Variants in RTN3 observed in about 807,000 individuals in gnomAD.
The protein encoded by RTN3 is reticulon 3, also known as reticulon-3.
Under a neutral mutation model 77.8 loss-of-function variants are expected in RTN3, and 49 were observed. That is an observed-to-expected ratio of 0.63 (90% confidence interval 0.50 to 0.80). The LOEUF is 0.80. Ranked by LOEUF, RTN3 falls within the 30% of genes least tolerant of loss-of-function variation. RTN3 has a pLI of 0.00. For missense variants in RTN3, 1,236 were observed against 1,211.9 expected, an observed-to-expected ratio of 1.02 and a Z score of -0.29; for synonymous variants, 464 against 446.9, an observed-to-expected ratio of 1.04 and a Z score of -0.48.
At chr11:63,681,470 GC>G (rs1941026276), upstream of RTN3, 1 of 653,252 alleles carries the variant, frequency 1.5e-6, no homozygotes, top group Non-Finnish European at 2.3e-6. Flanking sequence ...TCGCGCTCCC[GC>G]CCTCTAGCTG....
chr11:63,730,094 G>A (rs1308830744), intron 3 of RTN3, among the ~76,000 whole-genome samples: 1 of 152,102 alleles, frequency 6.6e-6, no homozygotes, highest in East Asian at 1.9e-4. Flanking sequence ...AGCCTCCCAA[G>A]TAGCTGGGAT....
intron 3 of RTN3, among the ~76,000 whole-genome samples, chr11:63,726,427 G>A (rs1369573619): frequency 6.6e-6 from 1 of 152,224 alleles, no homozygotes; most frequent in Admixed American, 6.5e-5. Flanking sequence ...TGGAATGTAA[G>A]GGGAGGAGGA....
chr11:63,714,746 C>G (rs1220102085), intron 2 of RTN3, among the ~76,000 whole-genome samples: 3 of 152,032 alleles, frequency 2.0e-5, no homozygotes, highest in Admixed American at 6.6e-5. Context: ...CTCTTGGACT[C>G]AAGCAATTTT....
chr11:63,716,979 C>CAAAAAAAAAAA lies in RTN3; in HGVS notation c.200-1717_200-1707dup, dbSNP rs6144367. On this transcript the variant is annotated intron_variant, in intron 2 of 8. Coordinates refer to ENST00000377819, the MANE Select transcript of RTN3 (RefSeq NM_001265589.2). Reference sequence around the variant, plus strand: ...GCAAGACTCCGTCTCAAAAAAAAAACAAAAAAAAAAAAAAAAGAAAAGAAA... The same window carrying CAAAAAAAAAAA: ...GCAAGACTCCGTCTCAAAAAAAAAACAAAAAAAAAAAAAAAAAAAAAAAAAAAGAAAAGAAA... Among the ~76,000 whole-genome samples the CAAAAAAAAAAA allele has an allele frequency of 6.9e-4, 83 of 120,168 alleles. 5 individuals are homozygous for CAAAAAAAAAAA. The highest frequency in any genetic ancestry group is 0.011 in the Middle Eastern group (2 of 186). 78.8% of individuals were successfully genotyped at this position (120,168 alleles called of 152,430 possible).
At chr11:63,747,702 AC>A (rs1034202366) in intron 3 of RTN3, among the ~76,000 whole-genome samples, 3 of 152,198 alleles carry the variant, frequency 2.0e-5, no homozygotes, top group Non-Finnish European at 4.4e-5. Context: ...CCTCAAGACA[AC>A]TTGAATCACA....
At position 63,719,492 on chromosome 11, in the gene RTN3, T is replaced by G; in HGVS notation, c.990T>G (p.Asn330Lys). Residue 330 changes from asparagine to lysine, a missense_variant, in exon 3 of 9, where the codon AAT becomes AAG. This residue lies in a region of RTN3 where 1,056 missense variants were observed against 990.4 expected (regional missense o/e 1.07). Coordinates refer to ENST00000377819, the MANE Select transcript of RTN3 (RefSeq NM_001265589.2). ...AALEEVSRCV[N>K]DMHNFTNEIL... ...TGGAAGAGGTGTCCAGATGCGTGAA[T>G]GATATGCATAACTTTACTAACGAAA... 1 of 1,614,188 alleles carries G rather than the reference T, an allele frequency of 6.2e-7. No individual in the cohort carries two copies. The highest frequency in any genetic ancestry group is 1.1e-5 in the South Asian group (1 of 91,082).
At chr11:63,753,026 C>A in intron 5 of RTN3, 43 bp from the exon 6 acceptor site, 1 of 1,573,956 alleles carries the variant, frequency 6.4e-7, no homozygotes, top group Non-Finnish European at 8.7e-7. Flanking sequence ...GTGAATTTTG[C>A]CTTACGGTTA....
In RTN3 at chr11:63,719,166, G is replaced by A. The variant is rs2011574163; in HGVS notation, c.664G>A (p.Gly222Ser). The part of the protein sequence containing the change: ...KPPTEYSKVE[G>S]IYTYSLSPSK... The stretch of plus-strand genomic sequence containing the variant: ...ACCTACTGAGTACTCTAAGGTAGAA[G>A]GCATTTATACATATTCTTTGTCTCC... Residue 222 changes from glycine to serine, a missense_variant, in exon 3 of 9, where the codon GGC becomes AGC. Physicochemically the swap from Gly to Ser is moderately conservative, Grantham distance 56. This residue lies in a region of RTN3 where 1,056 missense variants were observed against 990.4 expected (regional missense o/e 1.07). Transcript: ENST00000377819. 1 of 1,614,168 alleles carries A rather than the reference G, an allele frequency of 6.2e-7. No individual in the cohort carries two copies. The highest frequency in any genetic ancestry group is 8.5e-7 in the Non-Finnish European group (1 of 1,180,016).
At position 63,683,943 on chromosome 11, in the gene RTN3, C is replaced by CTTTTTTTTTTTTTTTTTTTTTTTTTTT. The variant is rs35837590; in HGVS notation, c.142+2168_142+2194dup. On this transcript the variant is annotated intron_variant, in intron 1 of 8. Coordinates refer to ENST00000377819, the MANE Select transcript of RTN3 (RefSeq NM_001265589.2). ...TATTTCTTTCTCTTTTCTTTTCTTT[C>CTTTTTTTTTTTTTTTTTTTTTTTTTTT]TTTTTTTTTTTTTTTTTTTTTTTTT... Among the ~76,000 whole-genome samples, 6 of 58,952 alleles carry CTTTTTTTTTTTTTTTTTTTTTTTTTTT rather than the reference C, an allele frequency of 1.0e-4. 1 individual carries two copies. The highest frequency in any genetic ancestry group is 2.2e-4 in the African/African-American group (3 of 13,340). The allele number at this position is 58,952 out of a possible 152,430, so 38.7% of individuals were successfully genotyped here.
intron 1 of RTN3, among the ~76,000 whole-genome samples, chr11:63,692,760 CAA>C (rs766616194): frequency 1.7e-5 from 2 of 120,418 alleles, no homozygotes; most frequent in South Asian, 2.6e-4. Context: ...GACTCCGTCT[CAA>C]AAAAAAAAAA....
rs12576147 is a variant in RTN3, at chr11:63,754,313, G to C, written c.2994+605G>C. ...TCATGCCTATAATCCTAACACTTTG[G>C]GGGGCCGAGGCAGGCAGATCACTTG... On this transcript the variant is annotated intron_variant, in intron 7 of 8. Coordinates refer to ENST00000377819, the MANE Select transcript of RTN3 (RefSeq NM_001265589.2). Among the ~76,000 whole-genome samples, 75 of 152,238 alleles carry C rather than the reference G, an allele frequency of 4.9e-4. No individual in the cohort carries two copies. In the East Asian group the frequency reaches 0.013, roughly 27 times the overall value.
intron 3 of RTN3, among the ~76,000 whole-genome samples, chr11:63,725,392 A>G (rs1248272168): frequency 6.7e-6 from 1 of 149,176 alleles, no homozygotes; most frequent in Non-Finnish European, 1.5e-5. Flanking sequence ...ATTCTTTCCT[A>G]TTTTTTGCTA....
chr11:63,757,438 G>A (rs80086980), intron 8 of RTN3, among the ~76,000 whole-genome samples: 3,389 of 151,770 alleles, frequency 0.022, 60 homozygotes, highest in Non-Finnish European at 0.036. Context: ...CTGCAGCCTT[G>A]ACCTCTGACC....
intron 2 of RTN3, among the ~76,000 whole-genome samples, chr11:63,710,461 A>G (rs751947421): frequency 6.6e-6 from 1 of 152,080 alleles, no homozygotes; most frequent in South Asian, 2.1e-4. Flanking sequence ...CAGATTTTCT[A>G]GTCAGATGTG....
chr11:63,701,244 C>A (rs2134706644), intron 1 of RTN3, among the ~76,000 whole-genome samples: 1 of 152,022 alleles, frequency 6.6e-6, no homozygotes, highest in East Asian at 1.9e-4. Flanking sequence ...ATCAAATGTA[C>A]AGCTCTTTTC....
At chr11:63,726,404 A>G (rs2134941867) in intron 3 of RTN3, among the ~76,000 whole-genome samples, 1 of 152,342 alleles carries the variant, frequency 6.6e-6, no homozygotes, top group Non-Finnish European at 1.5e-5. Context: ...GTCAGCCACA[A>G]CCACTGAGTC....
At chr11:63,690,718 G>C (rs1941609438) in intron 1 of RTN3, among the ~76,000 whole-genome samples, 1 of 152,180 alleles carries the variant, frequency 6.6e-6, no homozygotes, top group African/African-American at 2.4e-5. Context: ...AAACTTTCTA[G>C]TCAAGTTCAC....
Position 63,758,345 on chromosome 11 carries a change from C to G in RTN3, c.*144C>G. On this transcript the variant is annotated 3_prime_UTR_variant, in exon 9 of 9. Transcript: ENST00000377819. Reference sequence around the variant, plus strand: ...TTTTTAATTTGGTGTTTTCTCCCATCCTTTCCCTTTAACCCTCAGTATCAA... The same window carrying G: ...TTTTTAATTTGGTGTTTTCTCCCATGCTTTCCCTTTAACCCTCAGTATCAA... The G allele has an allele frequency of 6.2e-7, 1 of 1,610,064 alleles. No homozygotes were observed.
At chr11:63,693,068 C>T (rs988516550) in intron 1 of RTN3, among the ~76,000 whole-genome samples, 24 of 152,306 alleles carry the variant, frequency 1.6e-4, no homozygotes, top group African/African-American at 5.3e-4. Flanking sequence ...AGCCACCATG[C>T]CCAGCTTCCT....
Sources: gnomAD v4.1 joint callset for allele counts (sites outside exome capture counted in the v4.1 genomes callset) on GRCh38, gnomAD v4.1.1 for gene constraint, gnomAD v4.1.1 regional missense constraint, MANE v1.5 for transcripts, NCBI Gene and HGNC (gene_info 2026-07-23, HGNC 2026-07-21) for gene names.